The following KDM4B variants were observed in gnomAD, a reference collection of about 807,000 sequenced individuals.
KDM4B encodes lysine demethylase 4B.
A neutral mutation model predicts 125.2 loss-of-function variants in KDM4B; 32 were observed. The observed-to-expected ratio is 0.26, with a 90% confidence interval of 0.19 to 0.34. The LOEUF is 0.34. Among genes scored for constraint, KDM4B ranks in the 10% least tolerant of loss-of-function variants. KDM4B has a pLI of 1.00. For missense variants in KDM4B, 1,190 were observed against 1,577.7 expected (o/e 0.75, Z 4.16); for synonymous variants, 721 against 677.9 (o/e 1.06, Z -0.99).
chr19:5,088,670 C>CA (rs914086058), intron 9 of KDM4B, among the ~76,000 whole-genome samples: 2 of 144,652 alleles, frequency 1.4e-5, no homozygotes, highest in African/African-American at 5.1e-5. Flanking sequence ...CCCCCTCCCC[C>CA]CCCCCGCAAA....
chr19:4,980,173 A>T (rs2034587373), intron 1 of KDM4B, among the ~76,000 whole-genome samples: 1 of 151,966 alleles, frequency 6.6e-6, no homozygotes, highest in African/African-American at 2.4e-5. Context: ...CACCACTATC[A>T]AATGTTAGAA....
intron 21 of KDM4B, among the ~76,000 whole-genome samples, chr19:5,146,199 C>T (rs905882378): frequency 6.0e-5 from 9 of 150,470 alleles, no homozygotes; most frequent in African/African-American, 1.5e-4. Context: ...CGGCCCCGCC[C>T]GGTCACTGCT....
At chr19:4,990,305 G>T (rs1285981068) in intron 1 of KDM4B, among the ~76,000 whole-genome samples, 1 of 152,148 alleles carries the variant, frequency 6.6e-6, no homozygotes, top group Non-Finnish European at 1.5e-5. Context: ...CACAAAAAGA[G>T]GGTCAGAACC....
At position 5,143,492 on chromosome 19, in the gene KDM4B, C is replaced by T. The variant is rs533277685; in HGVS notation, c.2551-475C>T. ...GCTCCCATCCCCTACCCTGTGCCCA[C>T]GAGCCCACTTCCTGTGTCTGGGGGT... On this transcript the variant is annotated intron_variant, in intron 18 of 22. Transcript: ENST00000159111. Among the ~76,000 whole-genome samples, 39 of 152,226 alleles carry T rather than the reference C, an allele frequency of 2.6e-4. 1 individual carries two copies. The highest frequency in any genetic ancestry group is 1.6e-3 in the Admixed American group (24 of 15,296).
chr19:5,059,907 A>T (rs2145768991), intron 6 of KDM4B, among the ~76,000 whole-genome samples: 1 of 152,274 alleles, frequency 6.6e-6, no homozygotes, highest in South Asian at 2.1e-4. Flanking sequence ...CCTCTCCGGG[A>T]TGCCTGCGTG....
intron 6 of KDM4B, among the ~76,000 whole-genome samples, chr19:5,066,280 G>T (rs575925381): frequency 6.6e-6 from 1 of 152,358 alleles, no homozygotes; most frequent in East Asian, 1.9e-4. Context: ...TAAAAGAGAA[G>T]CTGGGAAGGT....
rs566258375 is a variant in KDM4B at position 5,012,388 on chromosome 19, G to A, written c.-108-3869G>A. On this transcript the variant is annotated intron_variant, in intron 1 of 22. Coordinates refer to ENST00000159111, the MANE Select transcript of KDM4B (RefSeq NM_015015.3). Reference sequence around the variant, plus strand: ...TAACACGTTGTTAATGACACTTCCCGCTTCATTCGGATTGCCTCTGCTTTC... The same window carrying A: ...TAACACGTTGTTAATGACACTTCCCACTTCATTCGGATTGCCTCTGCTTTC... Among the ~76,000 whole-genome samples, 69 of 152,270 alleles carry A rather than the reference G, an allele frequency of 4.5e-4. 1 individual carries two copies. Among genetic ancestry groups the A allele is most frequent in the African/African-American group, 1.7e-3 (69 of 41,542 alleles).
intron 11 of KDM4B, among the ~76,000 whole-genome samples, chr19:5,123,392 G>T (rs1302049857): frequency 6.6e-6 from 1 of 152,224 alleles, no homozygotes. Context: ...CAGCACCTTT[G>T]TGTTCCCGTG....
At chr19:5,144,689 ACCT>A in intron 20 of KDM4B, 91 bp from the exon 21 acceptor site, 1 of 1,533,006 alleles carries the variant, frequency 6.5e-7, no homozygotes, top group Non-Finnish European at 8.8e-7. Flanking sequence ...CAGGCAGAGA[ACCT>A]CACTTGCCAG....
At chr19:5,123,934 G>A (rs1209694059) in intron 11 of KDM4B, among the ~76,000 whole-genome samples, 1 of 151,880 alleles carries the variant, frequency 6.6e-6, no homozygotes, top group Admixed American at 6.6e-5. Context: ...GGAGGGACTG[G>A]CGTGGGACAG....
At chr19:5,040,378 CACAG>C (rs899991312) in intron 4 of KDM4B, among the ~76,000 whole-genome samples, 1 of 152,154 alleles carries the variant, frequency 6.6e-6, no homozygotes, top group Non-Finnish European at 1.5e-5. Context: ...CACAGGAGGG[CACAG>C]ACACAGAACA....
intron 10 of KDM4B, chr19:5,112,411 C>T (rs1599211164): frequency 6.5e-6 from 1 of 153,378 alleles, no homozygotes; most frequent in East Asian, 1.9e-4. Context: ...GTGACCTTCC[C>T]TCTGCAGCCA....
intron 1 of KDM4B, among the ~76,000 whole-genome samples, chr19:4,983,135 C>CTT (rs76958173): frequency 0.014 from 1,784 of 130,610 alleles, 67 homozygotes; most frequent in African/African-American, 0.048. Flanking sequence ...TTTTTCTTTT[C>CTT]TTTTTTTTTT....
intron 18 of KDM4B, chr19:5,140,341 C>T (rs1278873743): frequency 6.6e-6 from 1 of 152,522 alleles, no homozygotes; most frequent in Non-Finnish European, 1.5e-5. Context: ...TGTAGCCCAC[C>T]TGCGCACAAG....
At position 5,081,801 on chromosome 19, in the gene KDM4B, G is replaced by A. The variant is rs1009037375; in HGVS notation, c.781-566G>A. On this transcript the variant is annotated intron_variant, in intron 8 of 22. Coordinates refer to ENST00000159111, the MANE Select transcript of KDM4B (RefSeq NM_015015.3). This position sits in a 1 kb window ranked among gnomAD's most constrained non-coding sequence, Gnocchi z 4.2. ...CAGGCCCCTTCCTGGCGTGTTTTGC[G>A]CGTGCAGTGGTGGTTCCTTTCTCAT... Among the ~76,000 whole-genome samples, 3 of 152,170 alleles carry A rather than the reference G, an allele frequency of 2.0e-5. No individual in the cohort carries two copies. Among genetic ancestry groups the A allele is most frequent in the African/African-American group, 4.8e-5 (2 of 41,440 alleles).
In KDM4B at chr19:4,997,660, G is replaced by T. The variant is rs1185322083; in HGVS notation, c.-108-18597G>T. Among the ~76,000 whole-genome samples, 5 of 152,340 alleles carry T rather than the reference G, an allele frequency of 3.3e-5. No individual in the cohort carries two copies. Among genetic ancestry groups the T allele is most frequent in the African/African-American group, 9.6e-5 (4 of 41,572 alleles). On this transcript the variant is annotated intron_variant, in intron 1 of 22. Transcript: ENST00000159111. The surrounding 1 kb of genome is among the most constrained non-coding windows in gnomAD (Gnocchi z 4.2). ...TTGGTGGGCTGGTCAGCCATGCCAG[G>T]CACTCAGAGTCATCCCTGCCTCCTC...
At chr19:4,972,398 G>A (rs2034291871) in intron 1 of KDM4B, among the ~76,000 whole-genome samples, 2 of 152,204 alleles carry the variant, frequency 1.3e-5, no homozygotes, top group Admixed American at 1.3e-4. Flanking sequence ...CTTGCAGGGT[G>A]CCAGGAGCTC....
chr19:5,058,757 CG>C (rs2037489801), intron 6 of KDM4B, among the ~76,000 whole-genome samples: 1 of 152,156 alleles, frequency 6.6e-6, no homozygotes, highest in African/African-American at 2.4e-5. Context: ...GCGGGCGCTT[CG>C]GGTTGGAGTG....
intron 2 of KDM4B, among the ~76,000 whole-genome samples, chr19:5,032,621 C>T (rs993537907): frequency 2.6e-5 from 4 of 152,170 alleles, no homozygotes; most frequent in Admixed American, 2.6e-4. Context: ...GGTGTCGCCT[C>T]GGCCTTAGAA....
Sources: gnomAD v4.1 joint callset for allele counts (sites outside exome capture counted in the v4.1 genomes callset) on GRCh38, gnomAD v4.1.1 for gene constraint, Gnocchi (gnomAD v3.1) non-coding constraint, MANE v1.5 for transcripts, NCBI Gene and HGNC (gene_info 2026-07-23, HGNC 2026-07-21) for gene names.